DNMT1: variants seen among roughly 807,000 people sequenced by gnomAD.
DNMT1 encodes DNA methyltransferase 1.
In DNMT1, 24 loss-of-function variants were observed where a neutral mutation model predicts 205.3. The ratio of observed to expected loss-of-function variants is 0.12; its 90% confidence interval spans 0.08 to 0.16. The LOEUF (loss-of-function observed/expected upper bound fraction) is 0.16, where lower values mean the gene tolerates loss of function less well. DNMT1 is among the 10% of genes least tolerant of loss of function. The pLI, the probability that DNMT1 is intolerant of heterozygous loss-of-function variation, is 1.00. For missense variants in DNMT1, 1,293 were observed against 2,177.7 expected (o/e 0.59, Z 8.09); for synonymous variants, 817 against 839.8 (o/e 0.97, Z 0.47).
At chr19:10,191,212 C>T (rs1185504438) in intron 1 of DNMT1, among the ~76,000 whole-genome samples, 1 of 149,512 alleles carries the variant, frequency 6.7e-6, no homozygotes, top group East Asian at 2.0e-4. Flanking sequence ...ACCCGGGAAG[C>T]GGAGGCTGCA....
intron 38 of DNMT1, 22 bp from the exon 39 acceptor site, chr19:10,135,874 G>C: frequency 6.5e-7 from 1 of 1,541,572 alleles, no homozygotes; most frequent in Non-Finnish European, 8.7e-7. Flanking sequence ...AGGCGCGGTG[G>C]GCGAGGGCAG....
At chr19:10,166,559 G>T in intron 11 of DNMT1, 39 bp downstream of exon 11, 3 of 1,612,428 alleles carry the variant, frequency 1.9e-6, no homozygotes, top group South Asian at 1.1e-5. Flanking sequence ...AGGAGCAGAA[G>T]AATGAGGGGG....
intron 7 of DNMT1, among the ~76,000 whole-genome samples, chr19:10,174,246 C>T (rs140561841): frequency 7.2e-5 from 11 of 152,064 alleles, no homozygotes; most frequent in African/African-American, 2.4e-4. Context: ...ACATGGGAAA[C>T]CTCATCTCTA....
rs772372020 is a variant in DNMT1, at chr19:10,141,194, A to G, written c.3310-5T>C. Reference sequence around the variant, plus strand: ...TTTGCTCTTTGCATTATAGGCCTGAAAAGGAGAGAACTGCAATCGTTTGGG... The same window carrying G: ...TTTGCTCTTTGCATTATAGGCCTGAGAAGGAGAGAACTGCAATCGTTTGGG... On this transcript the variant is annotated splice_polypyrimidine_tract_variant and splice_region_variant and intron_variant, in intron 30 of 40. Transcript: ENST00000359526. 1 of 1,613,934 alleles carries G rather than the reference A, an allele frequency of 6.2e-7. No homozygotes were observed. The highest frequency in any genetic ancestry group is 2.2e-5 in the East Asian group (1 of 44,878).
chr19:10,142,299 G>A (rs2145270864), intron 29 of DNMT1, 79 bp from the exon 30 acceptor site: 2 of 1,600,964 alleles, frequency 1.2e-6, no homozygotes, highest in Non-Finnish European at 1.7e-6. Flanking sequence ...ATGTTCCTGG[G>A]GTGCTCAGGG....
chr19:10,182,153 C>T lies in DNMT1; in HGVS notation c.81-76G>A, dbSNP rs2039059147. The T allele has an allele frequency of 1.9e-5, 28 of 1,491,098 alleles. No homozygotes were observed. The South Asian group carries it at 3.1e-4, about 17-fold the overall frequency. The allele number at this position is 1,491,098 out of a possible 1,614,324, so 92.4% of individuals were successfully genotyped here. On this transcript the variant is annotated intron_variant, in intron 1 of 40. Coordinates refer to ENST00000359526, the MANE Select transcript of DNMT1 (RefSeq NM_001130823.3). ...ATTTGCCTGTAAGAATATCACAGTT[C>T]TAAAGAAGTTTTGGACACAAACAAG... is the stretch of plus-strand genomic sequence containing the variant.
rs1290169847 is a variant in DNMT1 at position 10,155,064 on chromosome 19, G to T, written c.1493-8C>A. ...GAATGTATTCGGCAAATGCTGGGGTGAACAGAGGAGGTGTGGAAAAGGGGC... is the reference window on the plus strand; with the variant it reads ...GAATGTATTCGGCAAATGCTGGGGTTAACAGAGGAGGTGTGGAAAAGGGGC... On this transcript the variant is annotated splice_region_variant and splice_polypyrimidine_tract_variant and intron_variant, in intron 19 of 40. Transcript: ENST00000359526. The T allele has an allele frequency of 1.2e-6, 2 of 1,614,014 alleles. No homozygotes were observed. The highest frequency in any genetic ancestry group is 4.5e-5 in the East Asian group (2 of 44,884).
At chr19:10,166,016 G>A (rs1035937831) in intron 11 of DNMT1, among the ~76,000 whole-genome samples, 3 of 151,980 alleles carry the variant, frequency 2.0e-5, no homozygotes, top group Admixed American at 6.6e-5. Context: ...TGGGGTCTTC[G>A]GCATCTCTTA....
chr19:10,181,894 T>A (rs1599398832), intron 2 of DNMT1, 147 bp downstream of exon 2: 1 of 691,550 alleles, frequency 1.4e-6, no homozygotes, highest in African/African-American at 1.8e-5. Flanking sequence ...AAATTAGTGC[T>A]GACATTTAAC....
chr19:10,142,985 T>C (rs890983434), intron 29 of DNMT1: 12 of 153,590 alleles, frequency 7.8e-5, no homozygotes, highest in African/African-American at 2.9e-4. Context: ...CTATGTTAGC[T>C]AAGAGGTGAG....
chr19:10,173,994 C>T, intron 7 of DNMT1, 89 bp from the exon 8 acceptor site: 2 of 1,299,810 alleles, frequency 1.5e-6, no homozygotes, highest in Non-Finnish European at 2.2e-6. Context: ...AATATTAACA[C>T]ATTTGACATG....
chr19:10,163,193 C>A, intron 12 of DNMT1, 133 bp downstream of exon 12: 1 of 993,134 alleles, frequency 1.0e-6, no homozygotes, highest in South Asian at 1.3e-5. Context: ...TCTCGAACTC[C>A]TGACCTCAGG....
chr19:10,141,089 TCATA>T lies in DNMT1; in HGVS notation c.3394+12_3394+15del. On this transcript the variant is annotated intron_variant, in intron 31 of 40. Transcript: ENST00000359526. ...ACAGAAGAATAACTTGAAAAGAAAC[TCATA>T]CAATGACGTACCTTTTCCCTTGCCC... 2 of 1,613,880 alleles carry T rather than the reference TCATA, an allele frequency of 1.2e-6. No homozygotes were observed.
intron 7 of DNMT1, 42 bp from the exon 8 acceptor site, chr19:10,173,947 G>GT: frequency 6.3e-7 from 1 of 1,597,648 alleles, no homozygotes; most frequent in Non-Finnish European, 8.6e-7. Flanking sequence ...TAGAATACTG[G>GT]TTTCAAGGGA....
chr19:10,194,771 AGCGCCCT>A (rs2039372645), intron 1 of DNMT1, 42 bp downstream of exon 1: 1 of 1,535,264 alleles, frequency 6.5e-7, no homozygotes, highest in Admixed American at 1.9e-5. Context: ...CCCCCCACCC[AGCGCCCT>A]GCCTGTCCCC....
intron 10 of DNMT1, among the ~76,000 whole-genome samples, chr19:10,167,893 G>A (rs962647806): frequency 2.0e-5 from 3 of 152,102 alleles, no homozygotes; most frequent in African/African-American, 7.2e-5. Flanking sequence ...GGGAGGCGAG[G>A]CAGGTGGGTC....
intron 1 of DNMT1, chr19:10,194,581 A>C (rs1216893334): frequency 1.2e-5 from 6 of 483,260 alleles, no homozygotes; most frequent in Non-Finnish European, 1.8e-5. Context: ...CACCCCGCCT[A>C]GTTTCTAGCC....
chr19:10,180,249 T>G lies in DNMT1; in HGVS notation c.446-15A>C. ...GTCTCTTGAACCTGGGAGGCAGAGGTTACAGTGAGCCGAGGTTACACCACT... is the reference window on the plus strand; with the variant it reads ...GTCTCTTGAACCTGGGAGGCAGAGGGTACAGTGAGCCGAGGTTACACCACT... On this transcript the variant is annotated splice_polypyrimidine_tract_variant and intron_variant, in intron 4 of 40. Transcript: ENST00000359526. 2.8e-6 allele frequency: 4 copies of G among 1,425,426 alleles called. No homozygotes were observed. The highest frequency in any genetic ancestry group is 3.9e-6 in the Non-Finnish European group (4 of 1,036,764). The allele number at this position is 1,425,426 out of a possible 1,614,324, so 88.3% of individuals were successfully genotyped here.
At chr19:10,145,671 G>A (rs997456824) in intron 28 of DNMT1, among the ~76,000 whole-genome samples, 1 of 152,172 alleles carries the variant, frequency 6.6e-6, no homozygotes, top group Non-Finnish European at 1.5e-5. Context: ...GGTACTGTAT[G>A]GAGCACTTTC....
Sources: gnomAD v4.1 joint callset for allele counts (sites outside exome capture counted in the v4.1 genomes callset) on GRCh38, gnomAD v4.1.1 for gene constraint, MANE v1.5 for transcripts, NCBI Gene and HGNC (gene_info 2026-07-23, HGNC 2026-07-21) for gene names.